Variants in CCNB3 observed in about 807,000 individuals in gnomAD.
The protein encoded by CCNB3 is cyclin B3.
Under a neutral mutation model 68.0 loss-of-function variants are expected in CCNB3, and 12 were observed. The ratio of observed to expected loss-of-function variants is 0.18; its 90% confidence interval spans 0.11 to 0.29. CCNB3 has a LOEUF of 0.29. Ranked by LOEUF, CCNB3 falls within the 10% of genes least tolerant of loss-of-function variation. CCNB3 has a pLI of 1.00. For missense variants in CCNB3, 904 were observed against 993.1 expected (o/e 0.91, Z 1.21); for synonymous variants, 354 against 388.9 (o/e 0.91, Z 1.06).
chrX:50,220,989 T>A (rs1451393827), intron 1 of CCNB3, among the ~76,000 whole-genome samples: 2 of 111,205 alleles, frequency 1.8e-5, no homozygotes. Flanking sequence ...ATTTCTTCCT[T>A]GTTTAGTCTT....
At chrX:50,228,185 C>T (rs902124112) in intron 1 of CCNB3, among the ~76,000 whole-genome samples, 3 of 89,269 alleles carry the variant, frequency 3.4e-5, no homozygotes, top group African/African-American at 1.2e-4. Flanking sequence ...AATACATATA[C>T]ATAGAATACA....
At chrX:50,207,113 G>C (rs192026419) in intron 1 of CCNB3, among the ~76,000 whole-genome samples, 1 of 111,855 alleles carries the variant, frequency 8.9e-6, no homozygotes, top group Non-Finnish European at 1.9e-5. Context: ...TGTGTATGTC[G>C]TATTTATTGA....
chrX:50,219,148 T>A (rs1418169043), intron 1 of CCNB3, among the ~76,000 whole-genome samples: 3 of 112,040 alleles, frequency 2.7e-5, no homozygotes, highest in Non-Finnish European at 5.6e-5. Context: ...TTGTTTAAAT[T>A]CTTTGTAGAT....
intron 4 of CCNB3, among the ~76,000 whole-genome samples, chrX:50,292,439 C>T (rs189084992): frequency 2.7e-5 from 3 of 111,167 alleles, no homozygotes; most frequent in Non-Finnish European, 5.7e-5. Context: ...TAGATTGATA[C>T]ATTCTTGGCT....
At chrX:50,297,016 A>G (rs1309055861) in intron 5 of CCNB3, among the ~76,000 whole-genome samples, 2 of 110,885 alleles carry the variant, frequency 1.8e-5, no homozygotes, top group African/African-American at 6.6e-5. Context: ...TTCATTGTAG[A>G]TTCTGGATAT....
At chrX:50,304,018 T>G (rs1168813258) in intron 5 of CCNB3, among the ~76,000 whole-genome samples, 4 of 111,849 alleles carry the variant, frequency 3.6e-5, no homozygotes, top group Admixed American at 9.5e-5. Flanking sequence ...TGGTGTGTAT[T>G]AGGAGCCTTA....
chrX:50,332,323 G>A (rs1483344690), intron 8 of CCNB3, among the ~76,000 whole-genome samples: 1 of 111,392 alleles, frequency 9.0e-6, no homozygotes, highest in Admixed American at 9.6e-5. Flanking sequence ...ACCTTGTACT[G>A]AGTGTCATTA....
rs1238883530 is a variant in CCNB3 at position 50,294,065 on chromosome X, T to C, written c.205-798T>C. Among the ~76,000 whole-genome samples, 4 of 110,805 alleles carry C rather than the reference T, an allele frequency of 3.6e-5. No homozygotes were observed. In the Admixed American group the frequency reaches 3.9e-4, roughly 11 times the overall value. Reference sequence around the variant, plus strand: ...ATCCTCTTACCTCATTCCCCCCAAGTAGCTGGGACCATAGGCATGTGCCAC... The same window carrying C: ...ATCCTCTTACCTCATTCCCCCCAAGCAGCTGGGACCATAGGCATGTGCCAC... On this transcript the variant is annotated intron_variant, in intron 4 of 12. Coordinates refer to ENST00000376042, the MANE Select transcript of CCNB3 (RefSeq NM_033031.3).
At chrX:50,325,694 G>C (rs184900856) in intron 8 of CCNB3, among the ~76,000 whole-genome samples, 1 of 112,197 alleles carries the variant, frequency 8.9e-6, no homozygotes, top group Non-Finnish European at 1.9e-5. Flanking sequence ...GGCCCAGGTA[G>C]CTACTGAGGA....
intron 11 of CCNB3, among the ~76,000 whole-genome samples, chrX:50,349,637 C>G (rs1384176295): frequency 8.9e-6 from 1 of 112,214 alleles, no homozygotes; most frequent in East Asian, 2.8e-4. Flanking sequence ...TCCATTACCC[C>G]CTTGTGTTAC....
chrX:50,336,686 T>C (rs1358500216), intron 8 of CCNB3, among the ~76,000 whole-genome samples: 1 of 111,852 alleles, frequency 8.9e-6, no homozygotes, highest in African/African-American at 3.3e-5. Context: ...TGTATCCTTT[T>C]GAGCCTCTTT....
chrX:50,328,862 G>A (rs1465368538), intron 8 of CCNB3, among the ~76,000 whole-genome samples: 2 of 112,561 alleles, frequency 1.8e-5, no homozygotes, highest in Non-Finnish European at 3.8e-5. Context: ...GAGAATGAAC[G>A]AAAGGGGCTA....
At chrX:50,225,622 A>C (rs1015723573) in intron 1 of CCNB3, among the ~76,000 whole-genome samples, 1 of 110,473 alleles carries the variant, frequency 9.1e-6, no homozygotes, top group Non-Finnish European at 1.9e-5. Context: ...GGAGATGGAG[A>C]TACATTGACA....
rs782223489 is a variant in CCNB3 at position 50,346,793 on chromosome X, C to T, written c.3796C>T (p.Arg1266Cys). 14 of 1,208,512 alleles carry T rather than the reference C, an allele frequency of 1.2e-5. No homozygotes were observed. Among genetic ancestry groups the T allele is most frequent in the African/African-American group, 1.7e-5 (1 of 57,164 alleles). ...INIPIAYHFL[R>C]RYARCIHTNM... ...CATTCCCATCGCCTACCATTTTCTG[C>T]GCAGATATGCTAGGGTAAGAGAGAA... Residue 1266 changes from arginine to cysteine, a missense_variant, in exon 10 of 13, where the codon CGC becomes TGC. By Grantham distance (180) the Arg-to-Cys change is radical (BLOSUM62 -3). This residue lies in a region of CCNB3 where 285 missense variants were observed against 383.4 expected (regional missense o/e 0.74). Coordinates refer to ENST00000376042, the MANE Select transcript of CCNB3 (RefSeq NM_033031.3).
chrX:50,346,605 G>T (rs1891546811), intron 9 of CCNB3, 47 bp from the exon 10 acceptor site: 3 of 1,165,271 alleles, frequency 2.6e-6, no homozygotes, highest in South Asian at 2.0e-5. Context: ...AAGCAGAAAG[G>T]TTGGGTTGTC....
intron 1 of CCNB3, among the ~76,000 whole-genome samples, chrX:50,217,267 GTTTTT>G (rs1220524134): frequency 3.4e-5 from 1 of 29,690 alleles, no homozygotes; most frequent in African/African-American, 1.4e-4. Context: ...CTTCACTCTT[GTTTTT>G]TTTTTTTTTT....
chrX:50,307,104 T>G (rs949458754), intron 5 of CCNB3, among the ~76,000 whole-genome samples: 2 of 112,022 alleles, frequency 1.8e-5, no homozygotes, highest in East Asian at 5.6e-4. Context: ...TTGTGAGTAG[T>G]TTTTGATTAT....
chrX:50,279,817 G>T (rs1161910618), intron 1 of CCNB3, among the ~76,000 whole-genome samples: 1 of 80,441 alleles, frequency 1.2e-5, no homozygotes, highest in Non-Finnish European at 2.2e-5. Flanking sequence ...AATATATATG[G>T]TATTTATATA....
At chrX:50,336,308 A>T (rs1323164775) in intron 8 of CCNB3, among the ~76,000 whole-genome samples, 1 of 109,319 alleles carries the variant, frequency 9.1e-6, no homozygotes, top group Non-Finnish European at 1.9e-5. Flanking sequence ...TCTTCCTGGA[A>T]CCCCCCTTTC....
Sources: gnomAD v4.1 joint callset for allele counts (sites outside exome capture counted in the v4.1 genomes callset) on GRCh38, gnomAD v4.1.1 for gene constraint, gnomAD v4.1.1 regional missense constraint, MANE v1.5 for transcripts, NCBI Gene and HGNC (gene_info 2026-07-23, HGNC 2026-07-21) for gene names.